The following ABCA3 variants were observed in gnomAD, a reference collection of about 807,000 sequenced individuals.
The protein encoded by ABCA3 is phospholipid-transporting ATPase ABCA3.
Under a neutral mutation model 172.8 loss-of-function variants are expected in ABCA3, and 88 were observed. The ratio of observed to expected loss-of-function variants is 0.51; its 90% confidence interval spans 0.43 to 0.61. The LOEUF (loss-of-function observed/expected upper bound fraction) is 0.61, where lower values mean the gene tolerates loss of function less well. Among genes scored for constraint, ABCA3 ranks in the 20% least tolerant of loss-of-function variants. The probability of loss-of-function intolerance (pLI) is 0.00; values close to 1 mark genes in which losing one functional copy is unlikely to be tolerated. For missense variants in ABCA3, 2,164 were observed against 2,301.0 expected (o/e 0.94, Z 1.22); for synonymous variants, 1,066 against 983.8 (o/e 1.08, Z -1.56).
At chr16:2,340,351 C>A (rs2093758822) in intron 1 of ABCA3, among the ~76,000 whole-genome samples, 2 of 151,856 alleles carry the variant, frequency 1.3e-5, no homozygotes, top group South Asian at 4.1e-4. Context: ...GCTGAGGGAG[C>A]GGCACCTGCA....
intron 10 of ABCA3, among the ~76,000 whole-genome samples, chr16:2,311,683 G>A (rs993860326): frequency 1.3e-4 from 19 of 151,982 alleles, no homozygotes; most frequent in Non-Finnish European, 2.4e-4. Context: ...CACCATGCCC[G>A]ACTAATTTTT....
rs1003119223 is a variant in ABCA3 at position 2,286,611 on chromosome 16, T to C, written c.3278+83A>G. ...CTTTGGGAGGGCAGACACAATGCTC[T>C]ATCTATGGGCCCGTGGCAGTGCCCA... On this transcript the variant is annotated intron_variant, in intron 22 of 32. Coordinates refer to ENST00000301732, the MANE Select transcript of ABCA3 (RefSeq NM_001089.3). The surrounding 1 kb of genome is among the most constrained non-coding windows in gnomAD (Gnocchi z 5.2). 2.4e-5 allele frequency: 37 copies of C among 1,562,468 alleles called. No individual in the cohort carries two copies. Among genetic ancestry groups the C allele is most frequent in the Non-Finnish European group, 3.1e-5 (35 of 1,147,118 alleles).
intron 1 of ABCA3, among the ~76,000 whole-genome samples, chr16:2,331,906 C>T (rs556320111): frequency 5.3e-5 from 8 of 152,294 alleles, no homozygotes; most frequent in Admixed American, 1.3e-4. Context: ...TCACTAGTCC[C>T]GGGACACAGT....
At chr16:2,298,611 C>A in intron 14 of ABCA3, 71 bp from the exon 15 acceptor site, 2 of 1,574,956 alleles carry the variant, frequency 1.3e-6, no homozygotes, top group South Asian at 1.1e-5. Context: ...TAATGACCCC[C>A]CACCCCCTCT....
At chr16:2,293,218 A>G (rs1262115171) in intron 18 of ABCA3, among the ~76,000 whole-genome samples, 2 of 150,666 alleles carry the variant, frequency 1.3e-5, no homozygotes, top group African/African-American at 4.9e-5. Flanking sequence ...CACCCAGCTA[A>G]TTTTTTGTAT....
At chr16:2,305,836 T>C (rs1461696634) in intron 11 of ABCA3, among the ~76,000 whole-genome samples, 2 of 152,104 alleles carry the variant, frequency 1.3e-5, no homozygotes, top group Non-Finnish European at 2.9e-5. Flanking sequence ...CGGCCATAAG[T>C]CTTTTTTAAT....
rs534222492 is a variant in ABCA3 at position 2,301,134 on chromosome 16, G to A, written c.1468-986C>T. Reference sequence around the variant, plus strand: ...TAGTCCCAGCTACTCGGGAGGCTGAGGCAGGAGAATGGCGTGAACCCGGGA... The same window carrying A: ...TAGTCCCAGCTACTCGGGAGGCTGAAGCAGGAGAATGGCGTGAACCCGGGA... On this transcript the variant is annotated intron_variant, in intron 12 of 32. Transcript: ENST00000301732. Among the ~76,000 whole-genome samples, 924 of 151,138 alleles carry A rather than the reference G, an allele frequency of 6.1e-3. 5 individuals are homozygous for A. The highest frequency in any genetic ancestry group is 8.7e-3 in the Non-Finnish European group (594 of 67,948).
intron 8 of ABCA3, among the ~76,000 whole-genome samples, chr16:2,318,329 C>T (rs1485243709): frequency 5.3e-5 from 8 of 152,144 alleles, no homozygotes; most frequent in South Asian, 4.1e-4. Flanking sequence ...ACCTGCCCCA[C>T]CAAGGAGTCA....
Position 2,340,566 on chromosome 16 carries a change from C to T in ABCA3, c.-539+7G>A, listed in dbSNP as rs2093759410. 1 of 148,812 alleles carries T rather than the reference C, an allele frequency of 6.7e-6. No individual in the cohort carries two copies. The highest frequency in any genetic ancestry group is 6.7e-5 in the Admixed American group (1 of 14,976). 9.2% of individuals were successfully genotyped at this position (148,812 alleles called of 1,614,324 possible). A position where few individuals can be genotyped will look rare whatever the true frequency, so the allele number is the denominator to read the frequency against. Reference sequence around the variant, plus strand: ...GCGCGCGAGCGGCGGGTCCCGGCGGCACTCACCGAGCCTGGGCGCCGGGGC... The same window carrying T: ...GCGCGCGAGCGGCGGGTCCCGGCGGTACTCACCGAGCCTGGGCGCCGGGGC... On this transcript the variant is annotated splice_region_variant and intron_variant, in intron 1 of 32. Transcript: ENST00000301732.
chr16:2,301,278 A>G (rs115291877), intron 12 of ABCA3, among the ~76,000 whole-genome samples: 2,035 of 151,802 alleles, frequency 0.013, 53 homozygotes, highest in African/African-American at 0.047. Context: ...AAAATGCCAT[A>G]GTGTAAGTGT....
chr16:2,282,458 G>T (rs1324712898), intron 26 of ABCA3, among the ~76,000 whole-genome samples: 1 of 152,232 alleles, frequency 6.6e-6, no homozygotes, highest in African/African-American at 2.4e-5. Flanking sequence ...TTTTAAAGAA[G>T]TGAATTCCCC....
chr16:2,301,425 G>A (rs189424270), intron 12 of ABCA3, among the ~76,000 whole-genome samples: 7 of 152,028 alleles, frequency 4.6e-5, no homozygotes, highest in Non-Finnish European at 7.4e-5. Context: ...AAATGGCCTC[G>A]GCTGGAGGTG....
Position 2,319,744 on chromosome 16 carries a change from C to T in ABCA3, c.710G>A (p.Arg237Lys). 2 of 1,614,018 alleles carry T rather than the reference C, an allele frequency of 1.2e-6. No individual in the cohort carries two copies. Among genetic ancestry groups the T allele is most frequent in the East Asian group, 4.5e-5 (2 of 44,868 alleles). Residue 237 changes from arginine (R) to lysine (K), a missense_variant, in exon 8 of 33, where the codon AGA becomes AAA. This residue lies in a region of ABCA3 where 1,343 missense variants were observed against 1,369.6 expected (regional missense o/e 0.98). Coordinates refer to ENST00000301732, the MANE Select transcript of ABCA3 (RefSeq NM_001089.3). ...ADAATRQLFQ[R>K]LTVTIKRFPY... ...GAACCTCTTGATGGTCACCGTCAGT[C>T]TCTGGAACAGCTGGCGTGTGGCGGC...
At position 2,285,399 on chromosome 16, in the gene ABCA3, T is replaced by C. The variant is rs1567338453; in HGVS notation, c.3483+43A>G. 2 of 1,568,552 alleles carry C rather than the reference T, an allele frequency of 1.3e-6. No homozygotes were observed. The highest frequency in any genetic ancestry group is 1.7e-6 in the Non-Finnish European group (2 of 1,156,960). ...CACAGGGGTCCCAGGGCAAGCCCTC[T>C]GCGGTCTGCAGGGGAACGGATCCAG... On this transcript the variant is annotated intron_variant, in intron 23 of 32. Transcript: ENST00000301732. This position sits in a 1 kb window ranked among gnomAD's most constrained non-coding sequence, Gnocchi z 4.7.
chr16:2,299,891 G>A (rs2093686188), intron 13 of ABCA3, 114 bp downstream of exon 13: 1 of 1,485,918 alleles, frequency 6.7e-7, no homozygotes, highest in Non-Finnish European at 9.2e-7. Context: ...AGGGCAGGAG[G>A]GAGCAAGGCT....
At chr16:2,289,393 C>T (rs760978556) in intron 20 of ABCA3, 41 bp downstream of exon 20, 80 of 1,546,336 alleles carry the variant, frequency 5.2e-5, no homozygotes, top group East Asian at 2.6e-4. Flanking sequence ...GGGGGCTGCT[C>T]GCCCTTCCCC....
Position 2,285,570 on chromosome 16 carries a change from C to T in ABCA3, c.3355G>A (p.Ala1119Thr). The change falls in exon 23 of 33, where the codon GCG (alanine) becomes ACG (threonine). Residue 1119 changes from alanine (A) to threonine (T), a missense_variant. Physicochemically the swap from Ala to Thr is moderately conservative, Grantham distance 58. Around this residue, in one of 3 missense-constraint regions of ABCA3, gnomAD observed 795 missense variants for 881.9 expected, o/e 0.90. Transcript: ENST00000301732. The surrounding 1 kb of genome is among the most constrained non-coding windows in gnomAD (Gnocchi z 4.7). ...AFLASTFSILAVSERAVQAKH... is the reference protein window; with the variant it reads ...AFLASTFSILTVSERAVQAKH... The stretch of plus-strand genomic sequence containing the variant: ...GCCTGCACGGCCCTCTCGCTGACCG[C>T]CAGGATGGAGAACGTGCTGGCCAAG... 2.5e-6 allele frequency: 4 copies of T among 1,576,288 alleles called. No individual in the cohort carries two copies. The highest frequency in any genetic ancestry group is 3.4e-6 in the Non-Finnish European group (4 of 1,160,512).
intron 1 of ABCA3, among the ~76,000 whole-genome samples, chr16:2,332,145 C>T (rs1387519436): frequency 6.6e-6 from 1 of 152,144 alleles, no homozygotes; most frequent in Non-Finnish European, 1.5e-5. Context: ...GCTCAAGAGC[C>T]ATCGGCTGTG....
rs142017625 is a variant in ABCA3, at chr16:2,298,606, A to AC, written c.1742-67dup. The AC allele has an allele frequency of 0.037, 57,799 of 1,573,858 alleles. 1,265 individuals are homozygous for AC. The highest frequency in any genetic ancestry group is 0.056 in the Middle Eastern group (246 of 4,368). ...CTGCTCGTCAGCACCCGCGGTAATG[A>AC]CCCCCCACCCCCTCTCTGTCTCCCC... On this transcript the variant is annotated intron_variant, in intron 14 of 32. Transcript: ENST00000301732.
Sources: gnomAD v4.1 joint callset for allele counts (sites outside exome capture counted in the v4.1 genomes callset) on GRCh38, gnomAD v4.1.1 for gene constraint, gnomAD v4.1.1 regional missense constraint, Gnocchi (gnomAD v3.1) non-coding constraint, MANE v1.5 for transcripts, NCBI Gene and HGNC (gene_info 2026-07-23, HGNC 2026-07-21) for gene names.